The following PARVB variants were observed in gnomAD, a reference collection of about 807,000 sequenced individuals.
PARVB encodes parvin beta.
PARVB carries 46 observed loss-of-function variants against 47.0 expected under a neutral mutation model. The observed-to-expected ratio is 0.98, with a 90% CI of 0.77 to 1.25. The LOEUF (loss-of-function observed/expected upper bound fraction) is 1.25. PARVB is among the 50% of genes most tolerant of loss of function. The probability of loss-of-function intolerance (pLI) is 0.00; values close to 1 mark genes in which losing one functional copy is unlikely to be tolerated. For synonymous variants in PARVB, 196 were observed against 196.3 expected (o/e 1.00, Z 0.01); for missense variants, 473 against 471.6 (o/e 1.00, Z -0.03).
chr22:44,093,459 C>A (rs548351127), intron 1 of PARVB, among the ~76,000 whole-genome samples: 19 of 152,282 alleles, frequency 1.2e-4, no homozygotes, highest in African/African-American at 4.3e-4. Context: ...CACCAGTGAC[C>A]CCACTTTAAA....
At chr22:44,124,704 G>A (rs1417499577) in intron 4 of PARVB, among the ~76,000 whole-genome samples, 1 of 152,154 alleles carries the variant, frequency 6.6e-6, no homozygotes, top group Non-Finnish European at 1.5e-5. Context: ...CCACAGACAA[G>A]CCCCATCCTG....
intron 4 of PARVB, among the ~76,000 whole-genome samples, chr22:44,120,791 T>C (rs1220870701): frequency 6.6e-6 from 1 of 152,044 alleles, no homozygotes; most frequent in Non-Finnish European, 1.5e-5. Context: ...TCCTCACACC[T>C]TGGCCTCTAG....
At position 44,147,456 on chromosome 22, in the gene PARVB, G is replaced by T. The variant is rs9680627; in HGVS notation, c.713-405G>T. On this transcript the variant is annotated intron_variant, in intron 8 of 12. Coordinates refer to ENST00000338758, the MANE Select transcript of PARVB (RefSeq NM_013327.5). ...GCGTGAGCAGGACATGGCCACCGTC[G>T]CGGGGGAAGTGGTTGGATTCACAGG... is the stretch of plus-strand genomic sequence containing the variant. 1.6e-4 allele frequency: 57 copies of T among 356,442 alleles called. No homozygotes were observed. The East Asian group carries it at 4.2e-3, about 26-fold the overall frequency. 22.1% of individuals were successfully genotyped at this position (356,442 alleles called of 1,614,324 possible).
At chr22:44,067,584 G>C (rs1346745954) in intron 1 of PARVB, among the ~76,000 whole-genome samples, 11 of 152,202 alleles carry the variant, frequency 7.2e-5, no homozygotes, top group Admixed American at 6.5e-4. Context: ...GGGCTGGCGA[G>C]GGCCTTCCTG....
chr22:44,128,160 C>T (rs963535777), intron 4 of PARVB, among the ~76,000 whole-genome samples: 1 of 152,194 alleles, frequency 6.6e-6, no homozygotes, highest in Admixed American at 6.5e-5. Flanking sequence ...GGGGGTGTAG[C>T]TCCCCTGTGT....
At chr22:44,139,783 G>A (rs2053514146) in intron 7 of PARVB, 1 of 306,222 alleles carries the variant, frequency 3.3e-6, no homozygotes, top group South Asian at 4.2e-5. Flanking sequence ...ACGGCTGCTG[G>A]AAGACCTGTT....
intron 6 of PARVB, among the ~76,000 whole-genome samples, chr22:44,133,634 G>A (rs2053378597): frequency 6.6e-6 from 1 of 152,198 alleles, no homozygotes; most frequent in South Asian, 2.1e-4. Flanking sequence ...AACCTCTTGG[G>A]CTCAAGCGGT....
chr22:44,046,421 C>A (rs956338795), intron 1 of PARVB, among the ~76,000 whole-genome samples: 3 of 152,200 alleles, frequency 2.0e-5, no homozygotes, highest in Non-Finnish European at 4.4e-5. Flanking sequence ...CATGGGATAT[C>A]ACTGACCACC....
chr22:44,117,924 T>C (rs1030560106), intron 3 of PARVB, among the ~76,000 whole-genome samples: 7 of 152,212 alleles, frequency 4.6e-5, no homozygotes, highest in Non-Finnish European at 1.0e-4. Context: ...AGAAGCAGGA[T>C]TGGCCAGGTG....
chr22:44,144,459 G>C (rs1469883732), intron 8 of PARVB: 1 of 152,216 alleles, frequency 6.6e-6, no homozygotes, highest in Non-Finnish European at 1.5e-5. Flanking sequence ...TTCTTCAAGA[G>C]AAGCCAGAAG....
At position 44,140,122 on chromosome 22, in the gene PARVB, A is replaced by G. The variant is rs774138717; in HGVS notation, c.693-2A>G. Reference sequence around the variant, plus strand: ...TGGCTCTCTCTGTGTTCTTGTTTGCAGGATGATGATGGGCCGGTTCGGTAA... The same window carrying G: ...TGGCTCTCTCTGTGTTCTTGTTTGCGGGATGATGATGGGCCGGTTCGGTAA... On this transcript the variant is annotated splice_acceptor_variant, in intron 7 of 12. Transcript: ENST00000338758. LOFTEE classifies it high-confidence loss of function. The G allele has an allele frequency of 3.1e-6, 5 of 1,614,014 alleles. No homozygotes were observed. The South Asian group carries it at 5.5e-5, about 18-fold the overall frequency.
intron 4 of PARVB, among the ~76,000 whole-genome samples, chr22:44,122,562 CAGAGAGAGAGAGAGAGAGAGAGAG>C (rs55865160): frequency 0.011 from 848 of 78,780 alleles, 36 homozygotes; most frequent in African/African-American, 0.044. Flanking sequence ...GACACAGAGA[CAGAGAGAGAGAGAGAGAGAGAGAG>C]AGAGAGAGAG....
Position 44,037,159 on chromosome 22 carries a change from A to G in PARVB, c.112+12708A>G, listed in dbSNP as rs929955946. Reference sequence around the variant, plus strand: ...CAATATAGTGAGACCTCGTCTCTGCAAAAGAAAACAAAACAACAACAAAAA... The same window carrying G: ...CAATATAGTGAGACCTCGTCTCTGCGAAAGAAAACAAAACAACAACAAAAA... On this transcript the variant is annotated intron_variant, in intron 1 of 12. Coordinates refer to ENST00000338758, the MANE Select transcript of PARVB (RefSeq NM_013327.5). Among the ~76,000 whole-genome samples, 8 of 152,056 alleles carry G rather than the reference A, an allele frequency of 5.3e-5. 1 individual carries two copies. The highest frequency in any genetic ancestry group is 9.7e-5 in the African/African-American group (4 of 41,404).
chr22:44,023,522 T>TAAAACAAAAC (rs762269823), upstream of PARVB, among the ~76,000 whole-genome samples: 63 of 98,806 alleles, frequency 6.4e-4, no homozygotes, highest in South Asian at 7.4e-3. Context: ...AAAAATAAAA[T>TAAAACAAAAC]AAAATAAAAC....
intron 10 of PARVB, chr22:44,152,865 CTCTT>C (rs1301573475): frequency 1.3e-5 from 2 of 152,202 alleles, no homozygotes; most frequent in Non-Finnish European, 2.9e-5. Context: ...TCATTCCCTT[CTCTT>C]TCTTTAACTT....
chr22:44,021,759 T>TCA (rs3223605), upstream of PARVB, among the ~76,000 whole-genome samples: 4,374 of 102,584 alleles, frequency 0.043, 159 homozygotes, highest in Admixed American at 0.058. Flanking sequence ...AAGTCTAGAC[T>TCA]CACACACACA....
At chr22:44,002,438 G>A (rs188762880) in intron 2 of PARVB, among the ~76,000 whole-genome samples, 14 of 152,260 alleles carry the variant, frequency 9.2e-5, no homozygotes, top group Admixed American at 4.6e-4. Flanking sequence ...TGGGGTAGTC[G>A]AGCCTATCAG....
chr22:44,040,421 G>C (rs1218836209), intron 1 of PARVB, among the ~76,000 whole-genome samples: 2 of 152,172 alleles, frequency 1.3e-5, no homozygotes, highest in Non-Finnish European at 2.9e-5. Flanking sequence ...GTGTGATTAA[G>C]TTAAGAACCT....
chr22:44,038,927 A>G (rs1156432265), intron 1 of PARVB, among the ~76,000 whole-genome samples: 1 of 152,236 alleles, frequency 6.6e-6, no homozygotes, highest in East Asian at 1.9e-4. Context: ...AACACAGTCA[A>G]CGCAGTAAAA....
Sources: gnomAD v4.1 joint callset for allele counts (sites outside exome capture counted in the v4.1 genomes callset) on GRCh38, gnomAD v4.1.1 for gene constraint, MANE v1.5 for transcripts, NCBI Gene and HGNC (gene_info 2026-07-23, HGNC 2026-07-21) for gene names.